SIRPB2: variants seen among roughly 807,000 people sequenced by gnomAD.
SIRPB2 encodes signal-regulatory protein beta-2.
Under a neutral mutation model 27.1 loss-of-function variants are expected in SIRPB2, and 18 were observed. The observed-to-expected ratio is 0.66, with a 90% CI of 0.46 to 0.98. The LOEUF (loss-of-function observed/expected upper bound fraction) is 0.98, where lower values mean the gene tolerates loss of function less well. SIRPB2 is among the 50% of genes least tolerant of loss of function. SIRPB2 has a pLI of 0.00. For missense variants in SIRPB2, 420 were observed against 417.4 expected (o/e 1.01, Z -0.06); for synonymous variants, 150 against 164.6 (o/e 0.91, Z 0.68).
In SIRPB2 at chr20:1,474,977, G is replaced by A. The variant is rs1430186712; in HGVS notation, c.*1190C>T. The A allele has an allele frequency of 6.6e-6, 1 of 152,340 alleles. No homozygotes were observed. Among genetic ancestry groups the A allele is most frequent in the African/African-American group, 2.4e-5 (1 of 41,424 alleles). The allele number at this position is 152,340 out of a possible 1,614,324, so 9.4% of individuals were successfully genotyped here. ...GTCACTGAGGGTGCACAGGGAGGAGGCAGAGGCCTCAGGGTTAAAGGCAGG... is the reference window on the plus strand; with the variant it reads ...GTCACTGAGGGTGCACAGGGAGGAGACAGAGGCCTCAGGGTTAAAGGCAGG... On this transcript the variant is annotated 3_prime_UTR_variant, in exon 5 of 5. Coordinates refer to ENST00000359801, the MANE Select transcript of SIRPB2 (RefSeq NM_001122962.2).
At chr20:1,470,877 A>G (rs541312053), downstream of SIRPB2, 2 of 152,338 alleles carry the variant, frequency 1.3e-5, no homozygotes, top group East Asian at 3.9e-4. Flanking sequence ...ACGAATAATC[A>G]TGTAAGATTC....
intron 1 of SIRPB2, among the ~76,000 whole-genome samples, chr20:1,487,661 T>C (rs547516616): frequency 1.1e-4 from 17 of 152,262 alleles, no homozygotes; most frequent in Non-Finnish European, 2.5e-4. Flanking sequence ...AGAGATGAGG[T>C]CTCGCTATGT....
Position 1,479,984 on chromosome 20 carries a change from A to T in SIRPB2, c.167T>A (p.Leu56His). The change falls in exon 2 of 5, where the codon CTT becomes CAT. Residue 56 changes from leucine to histidine, a missense_variant. By Grantham distance (99) the Leu-to-His change is moderately conservative (BLOSUM62 -3). Coordinates refer to ENST00000359801, the MANE Select transcript of SIRPB2 (RefSeq NM_001122962.2). Reference protein sequence around the residue: ...GPMLVAEGETLLLRCMVVGSC... With the variant: ...GPMLVAEGETHLLRCMVVGSC... ...GCCGACCACCATACACCTCAGTAGA[A>T]GTGTCTCACCTTCTGCCACCAGCAT... 1 of 1,614,176 alleles carries T rather than the reference A, an allele frequency of 6.2e-7. No individual in the cohort carries two copies. Among genetic ancestry groups the T allele is most frequent in the Non-Finnish European group, 8.5e-7 (1 of 1,180,034 alleles).
chr20:1,479,017 T>A (rs1214769836), intron 2 of SIRPB2: 1 of 175,554 alleles, frequency 5.7e-6, no homozygotes, highest in Non-Finnish European at 1.2e-5. Context: ...ATACTCTCCA[T>A]GTCACCAGTT....
chr20:1,478,176 G>T, intron 3 of SIRPB2, 90 bp downstream of exon 3: 1 of 1,206,068 alleles, frequency 8.3e-7, no homozygotes, highest in Non-Finnish European at 1.2e-6. Context: ...CATGGAGGCT[G>T]TGAAGAACTG....
At chr20:1,473,420 G>A (rs538003700), downstream of SIRPB2, among the ~76,000 whole-genome samples, 16 of 151,978 alleles carry the variant, frequency 1.1e-4, no homozygotes, top group East Asian at 3.1e-3. Flanking sequence ...GCACACGCAG[G>A]CACACAGATG....
intron 1 of SIRPB2, among the ~76,000 whole-genome samples, chr20:1,487,018 G>C (rs1384714407): frequency 6.6e-6 from 1 of 151,946 alleles, no homozygotes; most frequent in African/African-American, 2.4e-5. Flanking sequence ...ATCCAGATTT[G>C]AAAGAAAAAA....
At chr20:1,473,751 C>G (rs1169354727), downstream of SIRPB2, 6 of 446,128 alleles carry the variant, frequency 1.3e-5, no homozygotes, top group Admixed American at 9.7e-5. Context: ...CATGCAGGGC[C>G]CTACAGGGCT....
At chr20:1,489,784 G>T (rs2090760594) in intron 1 of SIRPB2, among the ~76,000 whole-genome samples, 1 of 152,144 alleles carries the variant, frequency 6.6e-6, no homozygotes, top group African/African-American at 2.4e-5. Flanking sequence ...TTTTCTCGGG[G>T]CTGCTGTGAG....
chr20:1,470,938 G>C (rs2090579600), downstream of SIRPB2: 1 of 152,220 alleles, frequency 6.6e-6, no homozygotes, highest in African/African-American at 2.4e-5. Flanking sequence ...TTCTTTCAGA[G>C]TGTACTGTCT....
downstream of SIRPB2, chr20:1,473,164 C>A (rs148471204): frequency 6.6e-6 from 1 of 152,270 alleles, no homozygotes; most frequent in African/African-American, 2.4e-5. Flanking sequence ...AGGAGGTAAG[C>A]TCTGAGAGAG....
chr20:1,473,608 T>TTG (rs200719587), downstream of SIRPB2, among the ~76,000 whole-genome samples: 3 of 152,050 alleles, frequency 2.0e-5, no homozygotes, highest in Admixed American at 1.3e-4. Context: ...GAGAGGCCTT[T>TTG]AAAGGTAAGA....
intron 1 of SIRPB2, among the ~76,000 whole-genome samples, chr20:1,482,953 C>A (rs2080390048): frequency 6.6e-6 from 1 of 151,990 alleles, no homozygotes; most frequent in Non-Finnish European, 1.5e-5. Context: ...GATTTCTTTT[C>A]CTGTAGATAA....
intron 1 of SIRPB2, among the ~76,000 whole-genome samples, chr20:1,489,606 G>A (rs1163677765): frequency 1.3e-5 from 2 of 152,088 alleles, no homozygotes; most frequent in African/African-American, 4.8e-5. Context: ...GCTTTAGGAG[G>A]TGTCCTAGGA....
intron 1 of SIRPB2, among the ~76,000 whole-genome samples, chr20:1,490,363 C>A (rs1310451476): frequency 6.6e-6 from 1 of 152,180 alleles, no homozygotes; most frequent in Non-Finnish European, 1.5e-5. Context: ...GAATCTAGAT[C>A]TCAGTAGAGC....
At chr20:1,486,734 A>G (rs969320202) in intron 1 of SIRPB2, among the ~76,000 whole-genome samples, 35 of 152,138 alleles carry the variant, frequency 2.3e-4, no homozygotes, top group African/African-American at 8.0e-4. Context: ...GCACTCATAT[A>G]ATCATCTCAA....
rs573310694 is a variant in SIRPB2, at chr20:1,478,245, G to A, written c.793+21C>T. The A allele has an allele frequency of 6.4e-5, 103 of 1,605,362 alleles. 1 individual carries two copies. In the South Asian group the frequency reaches 1.1e-3, roughly 17 times the overall value. ...AATACCTGCTCCGCTCTCCCGACAA[G>A]TCCAAAACCAATTGTCTCACCTTTC... On this transcript the variant is annotated intron_variant, in intron 3 of 4. Coordinates refer to ENST00000359801, the MANE Select transcript of SIRPB2 (RefSeq NM_001122962.2).
At chr20:1,485,224 T>C (rs148028075) in intron 1 of SIRPB2, among the ~76,000 whole-genome samples, 19 of 152,284 alleles carry the variant, frequency 1.2e-4, no homozygotes, top group Admixed American at 1.2e-3. Flanking sequence ...GATTTCAAAA[T>C]AGCTTGAAGA....
intron 3 of SIRPB2, 124 bp from the exon 4 acceptor site, chr20:1,477,527 C>A: frequency 1.4e-6 from 2 of 1,479,514 alleles, no homozygotes; most frequent in South Asian, 1.4e-5. Flanking sequence ...GGCTAGAAGT[C>A]AAACCCTGCA....
Sources: gnomAD v4.1 joint callset for allele counts (sites outside exome capture counted in the v4.1 genomes callset) on GRCh38, gnomAD v4.1.1 for gene constraint, MANE v1.5 for transcripts, NCBI Gene and HGNC (gene_info 2026-07-23, HGNC 2026-07-21) for gene names.